Variants in RANBP2 observed in about 807,000 individuals in gnomAD.
RANBP2 encodes RAN binding protein 2.
A neutral mutation model predicts 303.6 loss-of-function variants in RANBP2; 57 were observed. That is an observed-to-expected ratio of 0.19 (90% CI 0.15 to 0.23). The LOEUF is 0.23. Among genes scored for constraint, RANBP2 ranks in the 10% least tolerant of loss-of-function variants. RANBP2 has a pLI of 1.00. For synonymous variants in RANBP2, 1,167 were observed against 1,301.5 expected (o/e 0.90, Z 2.23); for missense variants, 3,138 against 3,780.8 (o/e 0.83, Z 4.46).
chr2:108,871,856 C>G, the RANBP2 span, among the ~76,000 whole-genome samples: 1 of 152,154 alleles, frequency 6.6e-6, no homozygotes, highest in Admixed American at 6.5e-5. Flanking sequence ...TGTTTTGTGA[C>G]TACCATTTCC....
At chr2:108,930,033 A>G in the RANBP2 span, 2 of 1,487,786 alleles carry the variant, frequency 1.3e-6, no homozygotes, top group South Asian at 1.3e-5. Context: ...ATCCCCTCAC[A>G]CAGCAAGGCA....
chr2:108,787,093 G>A (rs965837968), downstream of RANBP2, among the ~76,000 whole-genome samples: 1 of 152,140 alleles, frequency 6.6e-6, no homozygotes, highest in Non-Finnish European at 1.5e-5. Flanking sequence ...GTTGCGCTGC[G>A]GGGGTGCGGG....
the RANBP2 span, among the ~76,000 whole-genome samples, chr2:108,914,483 C>A: frequency 6.6e-6 from 1 of 152,258 alleles, no homozygotes; most frequent in African/African-American, 2.4e-5. Context: ...CACAACTCCC[C>A]TTCTATGGAA....
chr2:108,842,831 A>T, the RANBP2 span, among the ~76,000 whole-genome samples: 139 of 152,238 alleles, frequency 9.1e-4, no homozygotes, highest in Non-Finnish European at 1.3e-3. Flanking sequence ...TCAAATTATA[A>T]GCATTCACTA....
chr2:109,449,480 A>G, the RANBP2 span: 3 of 1,613,800 alleles, frequency 1.9e-6, no homozygotes, highest in Non-Finnish European at 2.5e-6. Flanking sequence ...ACGAGAAGAA[A>G]AGTGAAAAGG....
At chr2:109,101,379 C>A in the RANBP2 span, among the ~76,000 whole-genome samples, 1 of 151,742 alleles carries the variant, frequency 6.6e-6, no homozygotes, top group Admixed American at 6.6e-5. Flanking sequence ...TACAAAAAAT[C>A]AGACAGAGGT....
chr2:109,407,154 C>T, the RANBP2 span, among the ~76,000 whole-genome samples: 1 of 151,254 alleles, frequency 6.6e-6, no homozygotes, highest in Admixed American at 6.6e-5. Context: ...GCTGACTCGC[C>T]GTCCAGCCAG....
chr2:109,429,538 C>T, the RANBP2 span, among the ~76,000 whole-genome samples: 1 of 152,138 alleles, frequency 6.6e-6, no homozygotes, highest in African/African-American at 2.4e-5. Flanking sequence ...CCACACCGGG[C>T]CTGTGCTTGG....
chr2:108,958,484 C>A, the RANBP2 span, among the ~76,000 whole-genome samples: 1 of 151,816 alleles, frequency 6.6e-6, no homozygotes, highest in Admixed American at 6.6e-5. Context: ...AGAAGGCTCA[C>A]AAGGGTGCGT....
the RANBP2 span, among the ~76,000 whole-genome samples, chr2:109,596,070 T>C: frequency 6.6e-6 from 1 of 152,136 alleles, no homozygotes; most frequent in Non-Finnish European, 1.5e-5. Context: ...CTCCCACTAT[T>C]GCTTAAGCTA....
the RANBP2 span, among the ~76,000 whole-genome samples, chr2:109,290,565 G>A: frequency 1.3e-5 from 2 of 152,110 alleles, no homozygotes; most frequent in Admixed American, 1.3e-4. Flanking sequence ...CCTTTGGCCC[G>A]CCCAATGCCT....
At chr2:109,222,498 T>A in the RANBP2 span, among the ~76,000 whole-genome samples, 115 of 111,816 alleles carry the variant, frequency 1.0e-3, 1 homozygote, top group African/African-American at 6.2e-3. Context: ...TCCAAAAAAA[T>A]AAAAAGAGTC....
chr2:108,805,128 T>C, the RANBP2 span: 12 of 436,380 alleles, frequency 2.7e-5, no homozygotes, highest in East Asian at 4.1e-4. Flanking sequence ...ATTACATTTG[T>C]TAGCTTTATT....
At chr2:108,719,997 G>A in intron 1 of RANBP2, 1 of 985,292 alleles carries the variant, frequency 1.0e-6, no homozygotes, top group Non-Finnish European at 1.2e-6. Flanking sequence ...CGTAGTACCC[G>A]CGCGGCCTAG....
chr2:109,534,769 C>CAAA, the RANBP2 span, among the ~76,000 whole-genome samples: 42 of 126,144 alleles, frequency 3.3e-4, no homozygotes, highest in Admixed American at 5.6e-4. Flanking sequence ...AACTCAGTCT[C>CAAA]AAAAAAAAAA....
the RANBP2 span, among the ~76,000 whole-genome samples, chr2:109,063,009 C>A: frequency 7.2e-5 from 11 of 152,312 alleles, no homozygotes; most frequent in Admixed American, 4.6e-4. Context: ...AGGACAGGAG[C>A]CACCTCCTTG....
the RANBP2 span, among the ~76,000 whole-genome samples, chr2:109,657,752 CT>C: frequency 1.5e-5 from 2 of 130,082 alleles, no homozygotes; most frequent in Non-Finnish European, 3.1e-5. Flanking sequence ...TGGAGTCTCA[CT>C]CTGTTGCCCA....
chr2:109,490,378 C>T, the RANBP2 span, among the ~76,000 whole-genome samples: 77 of 152,210 alleles, frequency 5.1e-4, no homozygotes, highest in African/African-American at 1.8e-3. Flanking sequence ...CAAGCGTCAC[C>T]TGGCCCTCAC....
At chr2:109,670,672 T>A in the RANBP2 span, among the ~76,000 whole-genome samples, 4 of 152,104 alleles carry the variant, frequency 2.6e-5, no homozygotes, top group Non-Finnish European at 5.9e-5. Flanking sequence ...GCATAGCATT[T>A]CCATGGGAAT....
Sources: allele counts gnomAD v4.1 joint callset (sites outside exome capture counted in the v4.1 genomes callset), GRCh38; gene constraint gnomAD v4.1.1; transcripts MANE v1.5; gene names NCBI Gene and HGNC (gene_info 2026-07-23, HGNC 2026-07-21).